Variants in ATP2B2 observed in about 807,000 individuals in gnomAD.
The protein encoded by ATP2B2 is ATPase plasma membrane Ca2+ transporting 2, also known as plasma membrane calcium-transporting ATPase 2.
Under a neutral mutation model 120.0 loss-of-function variants are expected in ATP2B2, and 15 were observed. The ratio of observed to expected loss-of-function variants is 0.12; its 90% CI spans 0.08 to 0.19. The LOEUF is 0.19. ATP2B2 is among the 10% of genes least tolerant of loss of function. The pLI is 1.00. For missense variants in ATP2B2, 1,045 were observed against 1,719.8 expected, an observed-to-expected ratio of 0.61 and a Z score of 6.94; for synonymous variants, 694 against 700.3, an observed-to-expected ratio of 0.99 and a Z score of 0.14.
At chr3:10,585,425 C>T (rs751931412) in intron 2 of ATP2B2, among the ~76,000 whole-genome samples, 7 of 135,326 alleles carry the variant, frequency 5.2e-5, no homozygotes, top group South Asian at 4.9e-4. Flanking sequence ...ACCCGGGAGG[C>T]GGAACTTGCA....
At chr3:10,637,368 G>A (rs1267444342) in intron 1 of ATP2B2, among the ~76,000 whole-genome samples, 2 of 152,222 alleles carry the variant, frequency 1.3e-5, no homozygotes, top group Non-Finnish European at 2.9e-5. Flanking sequence ...TGAATCAGAT[G>A]TTAGAATTAG....
intron 1 of ATP2B2, among the ~76,000 whole-genome samples, chr3:10,673,155 C>T (rs952536181): frequency 1.6e-4 from 25 of 152,162 alleles, no homozygotes; most frequent in African/African-American, 4.8e-4. Context: ...AGGGCCTTCC[C>T]ATCAGTTCCG....
chr3:10,542,183 T>C (rs1575477939), intron 2 of ATP2B2, among the ~76,000 whole-genome samples: 1 of 152,238 alleles, frequency 6.6e-6, no homozygotes, highest in Non-Finnish European at 1.5e-5. Context: ...TAGTCAGTCA[T>C]GTTTTTCAAT....
intron 1 of ATP2B2, among the ~76,000 whole-genome samples, chr3:10,698,246 C>T (rs2071768469): frequency 6.6e-6 from 1 of 152,196 alleles, no homozygotes; most frequent in South Asian, 2.1e-4. Context: ...ATAAAAGAAA[C>T]GCAGAGATAC....
At chr3:10,524,880 A>C (rs2067059303) in intron 3 of ATP2B2, among the ~76,000 whole-genome samples, 1 of 152,120 alleles carries the variant, frequency 6.6e-6, no homozygotes, top group South Asian at 2.1e-4. Flanking sequence ...CCAGCTTGCC[A>C]TTCATTTCTT....
intron 2 of ATP2B2, among the ~76,000 whole-genome samples, chr3:10,438,960 G>A (rs1036119881): frequency 1.3e-5 from 2 of 152,226 alleles, no homozygotes; most frequent in African/African-American, 4.8e-5. Flanking sequence ...TGTTGCCAGG[G>A]ATGCCCAAAT....
intron 1 of ATP2B2, among the ~76,000 whole-genome samples, chr3:10,662,204 C>G (rs1385228917): frequency 6.6e-6 from 1 of 151,876 alleles, no homozygotes; most frequent in Non-Finnish European, 1.5e-5. Flanking sequence ...GTCTAAAATA[C>G]CAAAAGCAAT....
chr3:10,680,911 GA>G (rs1483793216), intron 1 of ATP2B2, among the ~76,000 whole-genome samples: 1 of 152,182 alleles, frequency 6.6e-6, no homozygotes, highest in Non-Finnish European at 1.5e-5. Flanking sequence ...GGTGTTTGGT[GA>G]CTGAATGGTG....
intron 1 of ATP2B2, among the ~76,000 whole-genome samples, chr3:10,503,826 G>A (rs1261718931): frequency 2.0e-5 from 3 of 152,262 alleles, no homozygotes; most frequent in Non-Finnish European, 4.4e-5. Context: ...GCAGGGCACT[G>A]TGTGCAGCCT....
chr3:10,664,662 C>T (rs532439519), intron 1 of ATP2B2, among the ~76,000 whole-genome samples: 5 of 152,134 alleles, frequency 3.3e-5, no homozygotes, highest in South Asian at 2.1e-4. Flanking sequence ...GTCTGTTGGG[C>T]GCATTTTTAA....
chr3:10,340,356 G>A lies in ATP2B2; in HGVS notation c.3130-7C>T. 6.2e-7 allele frequency: 1 copy of A among 1,614,002 alleles called. No individual in the cohort carries two copies. The highest frequency in any genetic ancestry group is 8.5e-7 in the Non-Finnish European group (1 of 1,179,888). On this transcript the variant is annotated splice_polypyrimidine_tract_variant and splice_region_variant and intron_variant, in intron 20 of 22. Transcript: ENST00000360273. This position sits in a 1 kb window ranked among gnomAD's most constrained non-coding sequence, Gnocchi z 5.0. ...CAAACTGCACGATCACTATCTGGAG[G>A]TCACAGGGGAGCAGAGAAAGAGAGA...
intron 1 of ATP2B2, among the ~76,000 whole-genome samples, chr3:10,631,451 G>A (rs1408686586): frequency 1.3e-5 from 2 of 152,224 alleles, no homozygotes; most frequent in Non-Finnish European, 2.9e-5. Context: ...CTTGCTCAAG[G>A]TCACACAGTT....
chr3:10,669,737 G>A (rs928468592), intron 1 of ATP2B2, among the ~76,000 whole-genome samples: 9 of 152,146 alleles, frequency 5.9e-5, no homozygotes, highest in African/African-American at 1.9e-4. Flanking sequence ...CCCTGGAGGT[G>A]AGTCCTCATT....
intron 1 of ATP2B2, among the ~76,000 whole-genome samples, chr3:10,479,693 C>G (rs1178550719): frequency 6.6e-6 from 1 of 152,162 alleles, no homozygotes; most frequent in Non-Finnish European, 1.5e-5. Flanking sequence ...TTCATCACTA[C>G]TGTATTCCTA....
chr3:10,512,486 ACACACACACACACAC>A (rs2066789737), intron 3 of ATP2B2, among the ~76,000 whole-genome samples: 1 of 90,648 alleles, frequency 1.1e-5, no homozygotes, highest in Non-Finnish European at 2.4e-5. Context: ...ACACACACAC[ACACACACACACACAC>A]ACACACACAC....
At chr3:10,351,013 T>C (rs2060564214) in intron 14 of ATP2B2, among the ~76,000 whole-genome samples, 1 of 152,356 alleles carries the variant, frequency 6.6e-6, no homozygotes, top group South Asian at 2.1e-4. Context: ...CAGATCTATT[T>C]GTGTATTTTC....
intron 2 of ATP2B2, among the ~76,000 whole-genome samples, chr3:10,538,689 A>C: frequency 6.6e-6 from 1 of 152,244 alleles, no homozygotes; most frequent in Non-Finnish European, 1.5e-5. Flanking sequence ...CTTCATGTTA[A>C]AACTCTCAAT....
chr3:10,407,412 T>C (rs528068494), intron 3 of ATP2B2, among the ~76,000 whole-genome samples: 40 of 152,316 alleles, frequency 2.6e-4, no homozygotes, highest in Middle Eastern at 6.8e-3. Flanking sequence ...CCTTTCCTTT[T>C]CCTCCTTCCC....
At chr3:10,595,583 C>G (rs899810157) in intron 2 of ATP2B2, among the ~76,000 whole-genome samples, 9 of 152,200 alleles carry the variant, frequency 5.9e-5, no homozygotes, top group Admixed American at 2.6e-4. Context: ...TAAGAAATCT[C>G]AGAGCTGAAA....
Sources: allele counts gnomAD v4.1 joint callset (sites outside exome capture counted in the v4.1 genomes callset), GRCh38; gene constraint gnomAD v4.1.1; non-coding constraint Gnocchi (gnomAD v3.1); transcripts MANE v1.5; gene names NCBI Gene and HGNC (gene_info 2026-07-23, HGNC 2026-07-21).